PUM1: variants seen among roughly 807,000 people sequenced by gnomAD.
The protein encoded by PUM1 is pumilio homolog 1.
A neutral mutation model predicts 131.8 loss-of-function variants in PUM1; 13 were observed. The ratio of observed to expected loss-of-function variants is 0.10; its 90% confidence interval spans 0.06 to 0.16. PUM1 has a LOEUF of 0.16. PUM1 is among the 10% of genes least tolerant of loss of function. The pLI is 1.00. For synonymous variants in PUM1, 509 were observed against 556.5 expected (o/e 0.91, Z 1.20); for missense variants, 961 against 1,512.4 (o/e 0.64, Z 6.05).
At chr1:30,938,884 T>C (rs1048148771) in intron 20 of PUM1, among the ~76,000 whole-genome samples, 2 of 88,004 alleles carry the variant, frequency 2.3e-5, no homozygotes, top group African/African-American at 4.3e-5. Flanking sequence ...TAGAGATAGA[T>C]AGATAGATAG....
chr1:31,002,909 A>G (rs1642267254), intron 5 of PUM1, among the ~76,000 whole-genome samples: 1 of 152,258 alleles, frequency 6.6e-6, no homozygotes, highest in South Asian at 2.1e-4. Flanking sequence ...ACAAAGAGCT[A>G]AACAGCTTCA....
intron 18 of PUM1, among the ~76,000 whole-genome samples, chr1:30,942,431 C>T (rs1311351829): frequency 6.6e-6 from 1 of 151,638 alleles, no homozygotes; most frequent in Non-Finnish European, 1.5e-5. Flanking sequence ...GAAAAACACA[C>T]TTAGTTAAGA....
chr1:31,053,170 C>G (rs539923131), intron 2 of PUM1, among the ~76,000 whole-genome samples: 2 of 151,336 alleles, frequency 1.3e-5, no homozygotes, highest in East Asian at 3.9e-4. Flanking sequence ...CCACACCTGG[C>G]TAATTTTTGT....
intron 3 of PUM1, among the ~76,000 whole-genome samples, chr1:31,023,363 T>C (rs1392316231): frequency 1.3e-5 from 2 of 152,222 alleles, no homozygotes. Flanking sequence ...GCTGCTTTTA[T>C]GGCACCCTAA....
At chr1:30,984,112 A>G (rs915966347) in intron 7 of PUM1, among the ~76,000 whole-genome samples, 1 of 152,236 alleles carries the variant, frequency 6.6e-6, no homozygotes, top group Non-Finnish European at 1.5e-5. Flanking sequence ...AAGAGACCCC[A>G]TATAGCCTAT....
intron 18 of PUM1, 112 bp from the exon 19 acceptor site, chr1:30,942,235 A>ATATATATATG (rs1639483087): frequency 5.6e-6 from 1 of 178,698 alleles, no homozygotes; most frequent in African/African-American, 3.2e-5. Flanking sequence ...ATATATATAT[A>ATATATATATG]TGTATTATCC....
chr1:31,010,079 A>C (rs1287423253), intron 3 of PUM1, among the ~76,000 whole-genome samples: 1 of 151,846 alleles, frequency 6.6e-6, no homozygotes, highest in Non-Finnish European at 1.5e-5. Flanking sequence ...GCAAAGTGCT[A>C]TTAGGTTGGT....
intron 12 of PUM1, 68 bp from the exon 13 acceptor site, chr1:30,966,346 T>A (rs1434337815): frequency 1.4e-6 from 2 of 1,472,384 alleles, no homozygotes; most frequent in African/African-American, 1.4e-5. Flanking sequence ...TACATTTTTA[T>A]CTTTTTTCAA....
At chr1:30,994,503 C>T (rs1261015614) in intron 6 of PUM1, among the ~76,000 whole-genome samples, 2 of 152,162 alleles carry the variant, frequency 1.3e-5, no homozygotes. Context: ...GAATGAGAGG[C>T]ATCTGCAGAA....
intron 3 of PUM1, among the ~76,000 whole-genome samples, chr1:31,025,943 TTC>T (rs1478461555): frequency 4.6e-5 from 7 of 152,170 alleles, no homozygotes; most frequent in Non-Finnish European, 8.8e-5. Flanking sequence ...TTAGAAGCTG[TTC>T]TTTTTTATTA....
chr1:30,967,305 G>A lies in PUM1; in HGVS notation c.1651C>T (p.Pro551Ser), dbSNP rs1640661137. Residue 551 changes from proline to serine, a missense_variant, in exon 12 of 22, where the codon CCG becomes TCG. Physicochemically the swap from Pro to Ser is moderately conservative, Grantham distance 74. Coordinates refer to ENST00000426105, the MANE Select transcript of PUM1 (RefSeq NM_001020658.2). The stretch of plus-strand genomic sequence containing the variant: ...TAGTAAGCAGCAGGAGCCAACACCG[G>A]ATAACCTAGGAATATCAAGCCAACA... Reference protein sequence around the residue: ...QGLAAGMPGYPVLAPAAYYDQ... With the variant: ...QGLAAGMPGYSVLAPAAYYDQ... 6.2e-7 allele frequency: 1 copy of A among 1,612,838 alleles called. No homozygotes were observed. Among genetic ancestry groups the A allele is most frequent in the African/African-American group, 1.3e-5 (1 of 74,828 alleles).
intron 2 of PUM1, among the ~76,000 whole-genome samples, chr1:31,038,984 A>ATTTTTTTTTTTTT (rs35507851): frequency 4.0e-5 from 2 of 49,422 alleles, no homozygotes; most frequent in African/African-American, 2.1e-4. Flanking sequence ...ATATATATAT[A>ATTTTTTTTTTTTT]TTTTTTTTTT....
intron 20 of PUM1, among the ~76,000 whole-genome samples, chr1:30,939,676 G>A (rs2124384979): frequency 6.6e-6 from 1 of 152,250 alleles, no homozygotes. Flanking sequence ...TGGGAGGACT[G>A]GGCCCACAGT....
At chr1:31,014,117 A>G (rs1045137654) in intron 3 of PUM1, among the ~76,000 whole-genome samples, 2 of 151,838 alleles carry the variant, frequency 1.3e-5, no homozygotes, top group African/African-American at 4.8e-5. Context: ...CCTGGAAAAC[A>G]TGTGACAGCC....
intron 2 of PUM1, among the ~76,000 whole-genome samples, chr1:31,035,539 G>T (rs1462116926): frequency 6.6e-6 from 1 of 152,016 alleles, no homozygotes; most frequent in East Asian, 1.9e-4. Context: ...ATCACCTGAG[G>T]TCAGGAGGTC....
chr1:30,989,092 G>A (rs1641675716), intron 7 of PUM1, among the ~76,000 whole-genome samples: 1 of 151,942 alleles, frequency 6.6e-6, no homozygotes, highest in South Asian at 2.1e-4. Flanking sequence ...TTTCCTATAG[G>A]CAACACAGCA....
At chr1:30,941,008 T>C (rs1639419323) in intron 20 of PUM1, 143 bp downstream of exon 20, 1 of 995,008 alleles carries the variant, frequency 1.0e-6, no homozygotes, top group Non-Finnish European at 1.4e-6. Flanking sequence ...GTTTATACTT[T>C]GTAATAAAAC....
chr1:31,012,087 T>C (rs1032903423), intron 3 of PUM1, among the ~76,000 whole-genome samples: 1 of 152,148 alleles, frequency 6.6e-6, no homozygotes, highest in Non-Finnish European at 1.5e-5. Context: ...AACACCCAAG[T>C]AATCTCCCTG....
intron 2 of PUM1, among the ~76,000 whole-genome samples, chr1:31,043,835 A>T (rs756485334): frequency 6.6e-6 from 1 of 152,190 alleles, no homozygotes; most frequent in African/African-American, 2.4e-5. Flanking sequence ...TTCCAAATCC[A>T]TAGTGTAAGT....
Sources: gnomAD v4.1 joint callset for allele counts (sites outside exome capture counted in the v4.1 genomes callset) on GRCh38, gnomAD v4.1.1 for gene constraint, MANE v1.5 for transcripts, NCBI Gene and HGNC (gene_info 2026-07-23, HGNC 2026-07-21) for gene names.